Variants in CCDC92 observed in about 807,000 individuals in gnomAD.
CCDC92 encodes coiled-coil domain-containing protein 92.
CCDC92 carries 12 observed loss-of-function variants against 24.9 expected under a neutral mutation model. That is an observed-to-expected ratio of 0.48 (90% confidence interval 0.31 to 0.78). The LOEUF (loss-of-function observed/expected upper bound fraction) is 0.78, where lower values mean the gene tolerates loss of function less well. Ranked by LOEUF, CCDC92 falls within the 30% of genes least tolerant of loss-of-function variation. The probability of loss-of-function intolerance (pLI) is 0.05; values close to 1 mark genes in which losing one functional copy is unlikely to be tolerated. For synonymous variants in CCDC92, 193 were observed against 196.3 expected, an observed-to-expected ratio of 0.98 and a Z score of 0.14; for missense variants, 399 against 439.4, an observed-to-expected ratio of 0.91 and a Z score of 0.82.
intron 4 of CCDC92, among the ~76,000 whole-genome samples, chr12:123,940,336 C>G (rs1213116215): frequency 6.6e-6 from 1 of 152,210 alleles, no homozygotes; most frequent in Non-Finnish European, 1.5e-5. Context: ...GCCACAGCAT[C>G]CTGAGAGAAG....
intron 1 of CCDC92, among the ~76,000 whole-genome samples, chr12:123,957,490 C>T: frequency 6.6e-6 from 1 of 152,148 alleles, no homozygotes; most frequent in East Asian, 1.9e-4. Context: ...GTGATCACTG[C>T]ACTGTAAAGG....
intron 1 of CCDC92, among the ~76,000 whole-genome samples, chr12:123,949,871 CGT>C (rs1267694658): frequency 6.6e-6 from 1 of 152,218 alleles, no homozygotes; most frequent in Non-Finnish European, 1.5e-5. Flanking sequence ...TCTCCAGCAG[CGT>C]GAAGACAAGG....
chr12:123,949,310 G>A (rs142437398), intron 1 of CCDC92, among the ~76,000 whole-genome samples: 4 of 152,342 alleles, frequency 2.6e-5, no homozygotes, highest in South Asian at 2.1e-4. Context: ...GCAGCAGTCC[G>A]TCCTGAGGCA....
intron 1 of CCDC92, among the ~76,000 whole-genome samples, chr12:123,949,173 G>A (rs1955959865): frequency 2.0e-5 from 3 of 152,214 alleles, no homozygotes; most frequent in South Asian, 2.1e-4. Context: ...GCTGAGTAAG[G>A]GCACTCACCC....
intron 1 of CCDC92, chr12:123,971,392 G>A (rs1412553754): frequency 7.6e-5 from 11 of 144,478 alleles, no homozygotes; most frequent in African/African-American, 2.9e-4. Flanking sequence ...ATGCAATAGC[G>A]AGAAAATGCA....
At chr12:123,970,077 T>C (rs546348384) in intron 1 of CCDC92, 1 of 152,302 alleles carries the variant, frequency 6.6e-6, no homozygotes, top group South Asian at 2.1e-4. Flanking sequence ...GGTGGGTCTT[T>C]AATCTACTAA....
rs573154431 is a variant in CCDC92 at position 123,937,784 on chromosome 12, C to G, written c.270G>C (p.Glu90Asp). The change falls in exon 5 of 5, where the codon GAG (glutamate) becomes GAC (aspartate). Residue 90 changes from glutamate to aspartate, a missense_variant. Transcript: ENST00000238156. This position sits in a 1 kb window ranked among gnomAD's most constrained non-coding sequence, Gnocchi z 8.4. ...CTTTCACTTTCAGTTGGGCTTCCAG[C>G]TCTTCACATCTTTTCTTTAATTCAC... ...KSSELKKRCE[E>D]LEAQLKVKEN... 2.2e-5 allele frequency: 35 copies of G among 1,612,912 alleles called. No homozygotes were observed. The highest frequency in any genetic ancestry group is 8.4e-5 in the Admixed American group (5 of 59,842).
chr12:123,961,119 G>A (rs74873602), intron 1 of CCDC92: 3,572 of 152,376 alleles, frequency 0.023, 70 homozygotes, highest in Middle Eastern at 0.061. Flanking sequence ...CATCCGCCAA[G>A]TACAGGAGCC....
intron 1 of CCDC92, among the ~76,000 whole-genome samples, chr12:123,963,615 T>A (rs904352343): frequency 2.6e-4 from 40 of 152,378 alleles, no homozygotes; most frequent in African/African-American, 9.4e-4. Flanking sequence ...TGTTTCTTGA[T>A]AATGTGAGAT....
chr12:123,962,474 AACAC>A (rs1400414115), intron 1 of CCDC92: 1 of 152,236 alleles, frequency 6.6e-6, no homozygotes, highest in Admixed American at 6.5e-5. Flanking sequence ...TTTGAAGACA[AACAC>A]TTTTAAGGTG....
At chr12:123,961,458 A>G (rs1956269967) in intron 1 of CCDC92, among the ~76,000 whole-genome samples, 1 of 152,262 alleles carries the variant, frequency 6.6e-6, no homozygotes, top group South Asian at 2.1e-4. Flanking sequence ...TGAGACCATT[A>G]AACTATCTGA....
intron 1 of CCDC92, chr12:123,966,495 A>G (rs1394965268): frequency 6.6e-6 from 1 of 152,232 alleles, no homozygotes; most frequent in Admixed American, 6.5e-5. Context: ...TGAGGGTGTC[A>G]GTGCATCTCA....
intron 1 of CCDC92, among the ~76,000 whole-genome samples, chr12:123,958,483 C>A (rs1367229415): frequency 6.6e-6 from 1 of 152,234 alleles, no homozygotes; most frequent in Non-Finnish European, 1.5e-5. Flanking sequence ...CTCGTGCCTT[C>A]CTGAAGTGCT....
Position 123,936,956 on chromosome 12 carries a change from A to G in CCDC92, c.*102T>C. The G allele has an allele frequency of 1.5e-6, 2 of 1,350,024 alleles. No homozygotes were observed. Among genetic ancestry groups the G allele is most frequent in the Non-Finnish European group, 2.1e-6 (2 of 971,356 alleles). The allele number at this position is 1,350,024 out of a possible 1,614,324, so 83.6% of individuals were successfully genotyped here. A position where few individuals can be genotyped will look rare whatever the true frequency, so the allele number is the denominator to read the frequency against. On this transcript the variant is annotated 3_prime_UTR_variant, in exon 5 of 5. Coordinates refer to ENST00000238156, the MANE Select transcript of CCDC92 (RefSeq NM_025140.3). Reference sequence around the variant, plus strand: ...GAAGGAGAATGGGTCGGTAGGTGTGAAAAGTGTTTGGCATGCATGGGATTA... The same window carrying G: ...GAAGGAGAATGGGTCGGTAGGTGTGGAAAGTGTTTGGCATGCATGGGATTA...
intron 1 of CCDC92, among the ~76,000 whole-genome samples, chr12:123,969,007 T>G (rs1956458014): frequency 6.6e-6 from 1 of 152,252 alleles, no homozygotes; most frequent in Non-Finnish European, 1.5e-5. Flanking sequence ...TATTGGGCAC[T>G]CTGGTGTTCA....
In CCDC92 at chr12:123,944,306, G is replaced by C. The variant is rs1224839557; in HGVS notation, c.-1C>G. 6.3e-7 allele frequency: 1 copy of C among 1,581,308 alleles called. No homozygotes were observed. On this transcript the variant is annotated 5_prime_UTR_variant, in exon 2 of 5. Transcript: ENST00000238156. The stretch of plus-strand genomic sequence containing the variant: ...AACTCGAGAAATGTGGTGAAGTCAT[G>C]GGTCTTTCTGGAAAAGCTACCAGAG...
At chr12:123,940,844 C>T (rs892323237) in intron 4 of CCDC92, among the ~76,000 whole-genome samples, 4 of 152,154 alleles carry the variant, frequency 2.6e-5, no homozygotes, top group East Asian at 3.9e-4. Flanking sequence ...CCCTGGGTCC[C>T]GAAACTGCTT....
At chr12:123,959,386 C>CCTCGA (rs1367159910) in intron 1 of CCDC92, among the ~76,000 whole-genome samples, 3 of 151,920 alleles carry the variant, frequency 2.0e-5, no homozygotes, top group Non-Finnish European at 4.4e-5. Flanking sequence ...GCAATCGCAA[C>CCTCGA]CTCGACCTCC....
chr12:123,947,948 C>G (rs1208087550), intron 1 of CCDC92, among the ~76,000 whole-genome samples: 3 of 152,188 alleles, frequency 2.0e-5, no homozygotes. Context: ...GCCAGTGAGA[C>G]CGCGAACCCA....
Sources: gnomAD v4.1 joint callset for allele counts (sites outside exome capture counted in the v4.1 genomes callset) on GRCh38, gnomAD v4.1.1 for gene constraint, Gnocchi (gnomAD v3.1) non-coding constraint, MANE v1.5 for transcripts, NCBI Gene and HGNC (gene_info 2026-07-23, HGNC 2026-07-21) for gene names.